The following KLHL32 variants were observed in gnomAD, a reference collection of about 807,000 sequenced individuals.
The protein encoded by KLHL32 is kelch-like protein 32.
A neutral mutation model predicts 64.8 loss-of-function variants in KLHL32; 35 were observed. That is an observed-to-expected ratio of 0.54 (90% confidence interval 0.41 to 0.72). KLHL32 has a LOEUF of 0.72. KLHL32 is among the 30% of genes least tolerant of loss of function. The pLI is 0.00. For synonymous variants in KLHL32, 259 were observed against 281.0 expected (o/e 0.92, Z 0.78); for missense variants, 589 against 768.5 (o/e 0.77, Z 2.76).
intron 4 of KLHL32, among the ~76,000 whole-genome samples, chr6:97,056,049 C>T (rs1787810566): frequency 1.3e-5 from 2 of 150,960 alleles, no homozygotes; most frequent in Non-Finnish European, 2.9e-5. Context: ...TCATATGTGA[C>T]CTCACAGCTT....
chr6:96,909,006 G>A, the KLHL32 span, among the ~76,000 whole-genome samples: 1 of 152,182 alleles, frequency 6.6e-6, no homozygotes, highest in African/African-American at 2.4e-5. Context: ...ACAGAGACCT[G>A]ATAAAGGAAG....
intron 2 of KLHL32, 67 bp from the exon 3 acceptor site, chr6:96,975,930 T>G: frequency 1.6e-5 from 21 of 1,332,392 alleles, no homozygotes; most frequent in East Asian, 2.5e-5. Context: ...GTTCAAGGAA[T>G]GAGAGAGCAG....
chr6:97,120,894 C>G (rs1321229382), intron 7 of KLHL32, among the ~76,000 whole-genome samples: 1 of 152,076 alleles, frequency 6.6e-6, no homozygotes, highest in Non-Finnish European at 1.5e-5. Flanking sequence ...CACTTGTGCC[C>G]CAATCTTTCC....
chr6:97,135,169 A>G (rs940281710), intron 10 of KLHL32, among the ~76,000 whole-genome samples: 3 of 152,172 alleles, frequency 2.0e-5, no homozygotes, highest in Non-Finnish European at 2.9e-5. Context: ...GCTTTTAAAT[A>G]AAAGTCAGCA....
chr6:97,019,984 G>C (rs2128103552), intron 3 of KLHL32, among the ~76,000 whole-genome samples: 1 of 137,896 alleles, frequency 7.3e-6, no homozygotes, highest in South Asian at 2.3e-4. Flanking sequence ...GTCTTGCTCT[G>C]TCGCCCAGGC....
rs528515550 is a variant in KLHL32, at chr6:96,939,226, G to C, written c.-66+14200G>C. On this transcript the variant is annotated intron_variant, in intron 1 of 10. Transcript: ENST00000369261. ...TCTTAAAGCTGCCATTGGTGTTTTT[G>C]CTTATAAAAACATTGCCAGTTTTCT... is the stretch of plus-strand genomic sequence containing the variant. Among the ~76,000 whole-genome samples the C allele has an allele frequency of 3.3e-5, 5 of 152,262 alleles. 1 individual carries two copies. The South Asian group carries it at 1.0e-3, about 32-fold the overall frequency.
At chr6:97,047,964 T>G (rs1195641180) in intron 4 of KLHL32, among the ~76,000 whole-genome samples, 6 of 152,170 alleles carry the variant, frequency 3.9e-5, no homozygotes, top group Admixed American at 1.3e-4. Flanking sequence ...ACAATAAAGT[T>G]TATTGTTTAA....
intron 6 of KLHL32, among the ~76,000 whole-genome samples, chr6:97,111,255 A>G (rs994251452): frequency 3.3e-5 from 5 of 152,246 alleles, no homozygotes; most frequent in African/African-American, 1.2e-4. Context: ...TGTCCCCTGC[A>G]AGAGGCATAG....
chr6:97,027,840 G>A (rs1334606966), intron 3 of KLHL32, among the ~76,000 whole-genome samples: 2 of 152,166 alleles, frequency 1.3e-5, no homozygotes, highest in Non-Finnish European at 1.5e-5. Context: ...TTATGACTCC[G>A]AGAATTCAGA....
upstream of KLHL32, among the ~76,000 whole-genome samples, chr6:96,924,309 G>C (rs371401478): frequency 1.1e-3 from 174 of 152,252 alleles, 1 homozygote; most frequent in African/African-American, 3.9e-3. Context: ...CTGGGGGCGA[G>C]CAGGCTGGGT....
At chr6:97,029,020 A>G (rs1387688706) in intron 3 of KLHL32, among the ~76,000 whole-genome samples, 1 of 152,254 alleles carries the variant, frequency 6.6e-6, no homozygotes, top group Non-Finnish European at 1.5e-5. Context: ...TCCAGAAGAC[A>G]GAAAGACTGG....
At chr6:97,047,343 T>A (rs1786088019) in intron 4 of KLHL32, among the ~76,000 whole-genome samples, 1 of 152,188 alleles carries the variant, frequency 6.6e-6, no homozygotes. Context: ...AGTGCAGTCT[T>A]CATGGGTGTC....
intron 6 of KLHL32, among the ~76,000 whole-genome samples, chr6:97,093,169 G>A (rs1051789084): frequency 3.2e-4 from 49 of 152,060 alleles, no homozygotes; most frequent in Non-Finnish European, 1.6e-4. Context: ...TGCTAACCTG[G>A]GTTATCAGGG....
intron 4 of KLHL32, among the ~76,000 whole-genome samples, chr6:97,049,231 A>T (rs953849291): frequency 6.6e-6 from 1 of 152,238 alleles, no homozygotes; most frequent in Non-Finnish European, 1.5e-5. Context: ...TACTAACAAT[A>T]AAGTAGAACA....
rs2128219905 is a variant in KLHL32, at chr6:97,127,447, G to A, written c.1398G>A (p.Val466=). ...CACAATATCAGAACAGGCTAATGGTGTATGAACCTAACCAGGTAAGAATCA... is the reference window on the plus strand; with the variant it reads ...CACAATATCAGAACAGGCTAATGGTATATGAACCTAACCAGGTAAGAATCA... ...NTAQYQNRLM[V]YEPNQNKWIS... Residue 466 remains valine, a synonymous_variant, in exon 8 of 11, where the codon GTG becomes GTA. Transcript: ENST00000369261. The A allele has an allele frequency of 6.2e-7, 1 of 1,612,798 alleles. No individual in the cohort carries two copies. The highest frequency in any genetic ancestry group is 1.7e-5 in the Admixed American group (1 of 59,984).
intron 7 of KLHL32, among the ~76,000 whole-genome samples, chr6:97,121,477 C>T (rs752841917): frequency 3.9e-5 from 6 of 151,906 alleles, no homozygotes; most frequent in Non-Finnish European, 5.9e-5. Context: ...TGTCTTTCTG[C>T]GATTTTACGG....
intron 3 of KLHL32, among the ~76,000 whole-genome samples, chr6:96,978,345 C>G (rs190564866): frequency 6.6e-6 from 1 of 152,206 alleles, no homozygotes; most frequent in East Asian, 1.9e-4. Context: ...TTCTTTGCAT[C>G]CAAGTATTCT....
At chr6:96,958,317 T>C (rs556012816) in intron 1 of KLHL32, among the ~76,000 whole-genome samples, 2 of 152,212 alleles carry the variant, frequency 1.3e-5, no homozygotes, top group South Asian at 4.1e-4. Context: ...TATTGGATCA[T>C]ATAGGAGAGT....
rs1800388330 is a variant in KLHL32 at position 97,139,057 on chromosome 6, A to G, written c.1702-64A>G. 3 of 1,474,648 alleles carry G rather than the reference A, an allele frequency of 2.0e-6. No homozygotes were observed. In the South Asian group the frequency reaches 4.0e-5, roughly 19 times the overall value. 91.3% of individuals were successfully genotyped at this position (1,474,648 alleles called of 1,614,324 possible). ...TTTAAGTTCAGAATTTCTTTTATGT[A>G]TACATAGCTTTATTTTGAGCAGTCA... On this transcript the variant is annotated intron_variant, in intron 10 of 10. Coordinates refer to ENST00000369261, the MANE Select transcript of KLHL32 (RefSeq NM_052904.4).
Sources: gnomAD v4.1 joint callset for allele counts (sites outside exome capture counted in the v4.1 genomes callset) on GRCh38, gnomAD v4.1.1 for gene constraint, MANE v1.5 for transcripts, NCBI Gene and HGNC (gene_info 2026-07-23, HGNC 2026-07-21) for gene names.